CCNY: variants seen among roughly 807,000 people sequenced by gnomAD.
CCNY encodes the protein cyclin-Y.
A neutral mutation model predicts 42.8 loss-of-function variants in CCNY; 19 were observed. The observed-to-expected ratio is 0.44, with a 90% confidence interval of 0.31 to 0.65. The LOEUF is 0.65. Ranked by LOEUF, CCNY falls within the 30% of genes least tolerant of loss-of-function variation. CCNY has a pLI of 0.07. For synonymous variants in CCNY, 165 were observed against 162.7 expected (o/e 1.01, Z -0.11); for missense variants, 370 against 437.3 (o/e 0.85, Z 1.37).
rs1442524317 is a variant in CCNY at position 35,479,625 on chromosome 10, GGA to G, written c.155-3777_155-3776del. Among the ~76,000 whole-genome samples, 17 of 134,814 alleles carry G rather than the reference GGA, an allele frequency of 1.3e-4. No individual in the cohort carries two copies. The East Asian group carries it at 4.4e-3, about 35-fold the overall frequency. 88.4% of individuals were successfully genotyped at this position (134,814 alleles called of 152,430 possible). A position where few individuals can be genotyped will look rare whatever the true frequency, so the allele number is the denominator to read the frequency against. The stretch of plus-strand genomic sequence containing the variant: ...CTGTTGTGGGGTGGGGGGAGGGGGG[GGA>G]GGGATAGCATTGGGAGATATACCTA... On this transcript the variant is annotated intron_variant, in intron 1 of 9. Coordinates refer to ENST00000374704, the MANE Select transcript of CCNY (RefSeq NM_145012.6).
chr10:35,495,372 AAC>A (rs1839984691), intron 2 of CCNY, among the ~76,000 whole-genome samples: 1 of 152,216 alleles, frequency 6.6e-6, no homozygotes, highest in Non-Finnish European at 1.5e-5. Context: ...CTCTGTGAGA[AAC>A]AGAAAACCTC....
chr10:35,429,442 A>G (rs1174578139), intron 1 of CCNY, among the ~76,000 whole-genome samples: 3 of 152,244 alleles, frequency 2.0e-5, no homozygotes, highest in African/African-American at 7.2e-5. Context: ...AACCCATATA[A>G]ACCATAGCTT....
At chr10:35,424,141 A>G (rs1838216666) in intron 1 of CCNY, among the ~76,000 whole-genome samples, 1 of 152,214 alleles carries the variant, frequency 6.6e-6, no homozygotes, top group Non-Finnish European at 1.5e-5. Context: ...CCTGCAGAGT[A>G]GTTATGAGGA....
At chr10:35,439,878 A>T (rs1313554501) in intron 1 of CCNY, among the ~76,000 whole-genome samples, 3 of 152,030 alleles carry the variant, frequency 2.0e-5, no homozygotes, top group Non-Finnish European at 4.4e-5. Flanking sequence ...CACTGAGGGG[A>T]TGTGGCTGGG....
Position 35,336,722 on chromosome 10 carries a change from G to T in CCNY, c.-332G>T, listed in dbSNP as rs1339427230. ...AGCGCGGGGGGGAGGCGGCCTGCGC[G>T]GCGCCGCCCGCCATGGCCGCGGCGG... On this transcript the variant is annotated 5_prime_UTR_variant, in exon 1 of 10. Transcript: ENST00000374704. Among the ~76,000 whole-genome samples, 1 of 147,072 alleles carries T rather than the reference G, an allele frequency of 6.8e-6. No individual in the cohort carries two copies. The highest frequency in any genetic ancestry group is 2.1e-4 in the South Asian group (1 of 4,822).
intron 7 of CCNY, among the ~76,000 whole-genome samples, chr10:35,549,272 T>G (rs990480812): frequency 6.6e-6 from 1 of 152,144 alleles, no homozygotes; most frequent in Non-Finnish European, 1.5e-5. Flanking sequence ...ACCCTCTCAC[T>G]CTGACTGTGG....
At chr10:35,517,661 T>A (rs556263394) in intron 4 of CCNY, among the ~76,000 whole-genome samples, 2 of 152,300 alleles carry the variant, frequency 1.3e-5, no homozygotes, top group African/African-American at 4.8e-5. Context: ...CTGTTGGCAC[T>A]GCGCTTGTCA....
rs1836056941 is a variant in CCNY, at chr10:35,337,125, G to C, written c.72G>C (p.Glu24Asp). The C allele has an allele frequency of 6.3e-7, 1 of 1,591,406 alleles. No homozygotes were observed. Among genetic ancestry groups the C allele is most frequent in the Non-Finnish European group, 8.5e-7 (1 of 1,171,098 alleles). ...KLRRNAHSRL[E>D]SYRPDTDLSR... Reference sequence around the variant, plus strand: ...GGAGGAATGCCCACTCCCGGCTGGAGTCCTACCGGCCAGACACGGACCTGA... The same window carrying C: ...GGAGGAATGCCCACTCCCGGCTGGACTCCTACCGGCCAGACACGGACCTGA... Residue 24 changes from glutamate (E) to aspartate (D), a missense_variant, in exon 1 of 10, where the codon GAG becomes GAC. Transcript: ENST00000374704.
chr10:35,343,026 A>G (rs1179662741), intron 1 of CCNY, among the ~76,000 whole-genome samples: 4 of 140,572 alleles, frequency 2.8e-5, no homozygotes, highest in Non-Finnish European at 3.0e-5. Context: ...TTTTTAAGAC[A>G]GGGTTTTACT....
intron 3 of CCNY, among the ~76,000 whole-genome samples, chr10:35,329,897 T>C (rs770772090): frequency 1.3e-5 from 2 of 152,160 alleles, no homozygotes; most frequent in African/African-American, 4.8e-5. Flanking sequence ...CCTGCTTCAG[T>C]AGGGTCTATT....
At chr10:35,499,834 C>G (rs1430895335) in intron 2 of CCNY, among the ~76,000 whole-genome samples, 1 of 152,176 alleles carries the variant, frequency 6.6e-6, no homozygotes, top group Non-Finnish European at 1.5e-5. Flanking sequence ...TCCCTTCAGT[C>G]AGTGGGAAAT....
At chr10:35,392,800 CT>C (rs1360050927) in intron 1 of CCNY, among the ~76,000 whole-genome samples, 2 of 152,270 alleles carry the variant, frequency 1.3e-5, no homozygotes, top group Non-Finnish European at 2.9e-5. Flanking sequence ...GCCAGGAGGA[CT>C]TTAGTTGTGG....
chr10:35,521,380 C>T (rs935214793), intron 4 of CCNY, among the ~76,000 whole-genome samples: 5 of 152,174 alleles, frequency 3.3e-5, no homozygotes, highest in Admixed American at 2.0e-4. Context: ...GTGCCTTGAC[C>T]GCTCTTTGGC....
intron 5 of CCNY, 67 bp from the exon 6 acceptor site, chr10:35,529,906 T>G: frequency 2.1e-6 from 3 of 1,414,770 alleles, no homozygotes; most frequent in Non-Finnish European, 3.0e-6. Context: ...TTAAAATGTA[T>G]TTTTGTTTTA....
At chr10:35,498,675 A>G (rs994544934) in intron 2 of CCNY, among the ~76,000 whole-genome samples, 3 of 152,188 alleles carry the variant, frequency 2.0e-5, no homozygotes, top group Non-Finnish European at 2.9e-5. Flanking sequence ...CCATCTGGGT[A>G]GGGACAGGTT....
At chr10:35,431,574 C>T (rs1311035177) in intron 1 of CCNY, among the ~76,000 whole-genome samples, 6 of 151,464 alleles carry the variant, frequency 4.0e-5, no homozygotes, top group Admixed American at 2.6e-4. Context: ...TGAATTCTGT[C>T]TGATCTGTCC....
intron 3 of CCNY, among the ~76,000 whole-genome samples, chr10:35,290,613 A>G (rs1201087511): frequency 6.6e-6 from 1 of 152,172 alleles, no homozygotes; most frequent in Non-Finnish European, 1.5e-5. Context: ...ATACAATTCA[A>G]TGGTTTTTAG....
At chr10:35,326,202 C>G (rs1835878603) in intron 3 of CCNY, among the ~76,000 whole-genome samples, 1 of 151,728 alleles carries the variant, frequency 6.6e-6, no homozygotes, top group Non-Finnish European at 1.5e-5. Context: ...AGGTGGAGTG[C>G]AGTGGCACAG....
At chr10:35,305,297 G>A (rs910872557) in intron 3 of CCNY, among the ~76,000 whole-genome samples, 1 of 152,178 alleles carries the variant, frequency 6.6e-6, no homozygotes, top group African/African-American at 2.4e-5. Flanking sequence ...ATTCCCCCCT[G>A]CTAAGGAGTA....
Sources: gnomAD v4.1 joint callset for allele counts (sites outside exome capture counted in the v4.1 genomes callset) on GRCh38, gnomAD v4.1.1 for gene constraint, MANE v1.5 for transcripts, NCBI Gene and HGNC (gene_info 2026-07-23, HGNC 2026-07-21) for gene names.